Variants in SARS1 observed in about 807,000 individuals in gnomAD.
SARS1 encodes the protein serine--tRNA ligase, cytoplasmic.
Under a neutral mutation model 63.7 loss-of-function variants are expected in SARS1, and 25 were observed. The ratio of observed to expected loss-of-function variants is 0.39; its 90% confidence interval spans 0.29 to 0.55. The LOEUF is 0.55. SARS1 is among the 20% of genes least tolerant of loss of function. The pLI, the probability that SARS1 is intolerant of heterozygous loss-of-function variation, is 0.62. For synonymous variants in SARS1, 231 were observed against 243.5 expected (o/e 0.95, Z 0.48); for missense variants, 417 against 649.7 (o/e 0.64, Z 3.89).
chr1:109,216,978 T>C (rs1179862116), intron 1 of SARS1: 2 of 985,316 alleles, frequency 2.0e-6, no homozygotes, highest in African/African-American at 3.5e-5. Context: ...CAGGTCCTTA[T>C]CATTGTTTGC....
chr1:109,230,883 G>C lies in SARS1; in HGVS notation c.453G>C (p.Val151=). Residue 151 remains valine, a synonymous_variant, in exon 5 of 11, where the codon GTG becomes GTC. Coordinates refer to ENST00000234677, the MANE Select transcript of SARS1 (RefSeq NM_006513.4). Reference sequence around the variant, plus strand: ...TTCTTGCTCTGTTTCCTTAGGATGTGGACAACAAAGTAGAGAGGATTTGGG... The same window carrying C: ...TTCTTGCTCTGTTTCCTTAGGATGTCGACAACAAAGTAGAGAGGATTTGGG... ...PSVPISNDED[V]DNKVERIWGD... The C allele has an allele frequency of 6.2e-7, 1 of 1,601,328 alleles. No homozygotes were observed. Among genetic ancestry groups the C allele is most frequent in the Non-Finnish European group, 8.5e-7 (1 of 1,172,690 alleles).
Position 109,228,338 on chromosome 1 carries a change from T to C in SARS1, c.208-14T>C. 1.2e-6 allele frequency: 2 copies of C among 1,602,452 alleles called. No individual in the cohort carries two copies. Among genetic ancestry groups the C allele is most frequent in the Non-Finnish European group, 1.7e-6 (2 of 1,174,090 alleles). ...CTTTTATTTATTTGTGTTGGGTTTTTTTCCTTCCTGCAGAAAAAAGAGCCA... is the reference window on the plus strand; with the variant it reads ...CTTTTATTTATTTGTGTTGGGTTTTCTTCCTTCCTGCAGAAAAAAGAGCCA... On this transcript the variant is annotated splice_polypyrimidine_tract_variant and intron_variant, in intron 2 of 10. Transcript: ENST00000234677.
rs758310836 is a variant in SARS1 at position 109,213,944 on chromosome 1, C to T, written c.-49C>T. 1 of 1,563,086 alleles carries T rather than the reference C, an allele frequency of 6.4e-7. No individual in the cohort carries two copies. The highest frequency in any genetic ancestry group is 1.8e-5 in the Admixed American group (1 of 55,374). On this transcript the variant is annotated 5_prime_UTR_variant, in exon 1 of 11. Transcript: ENST00000234677. ...CAGTGCGGCGGTCACAGGCTGAGTG[C>T]TGCGGCGCGATCCTTGCTTCCCTGA...
At chr1:109,223,112 CATG>C in intron 1 of SARS1, among the ~76,000 whole-genome samples, 1 of 152,324 alleles carries the variant, frequency 6.6e-6, no homozygotes. Flanking sequence ...ACTGATGATC[CATG>C]ATACCAATAT....
At chr1:109,216,590 G>T (rs911413253) in intron 1 of SARS1, 67 of 937,418 alleles carry the variant, frequency 7.1e-5, no homozygotes, top group Non-Finnish European at 7.9e-5. Flanking sequence ...ATCCTGAGTG[G>T]TTTTTTTTTT....
At chr1:109,216,100 T>TC in intron 1 of SARS1, 1 of 985,422 alleles carries the variant, frequency 1.0e-6, no homozygotes, top group Non-Finnish European at 1.2e-6. Flanking sequence ...TTATGTTTTT[T>TC]CCCAAGTTCC....
chr1:109,225,399 T>C (rs1655044537), intron 2 of SARS1, among the ~76,000 whole-genome samples: 1 of 152,218 alleles, frequency 6.6e-6, no homozygotes, highest in Admixed American at 6.5e-5. Flanking sequence ...GTCATTCGCA[T>C]ACTAGAGGCC....
intron 2 of SARS1, 95 bp from the exon 3 acceptor site, chr1:109,228,257 C>G (rs1404565938): frequency 1.1e-6 from 1 of 907,340 alleles, no homozygotes; most frequent in African/African-American, 1.7e-5. Context: ...TTCTGTGATT[C>G]ATTTATATAA....
At position 109,231,758 on chromosome 1, in the gene SARS1, T is replaced by A; in HGVS notation, c.719T>A (p.Leu240His). 1 of 1,567,670 alleles carries A rather than the reference T, an allele frequency of 6.4e-7. No individual in the cohort carries two copies. Among genetic ancestry groups the A allele is most frequent in the Non-Finnish European group, 8.6e-7 (1 of 1,160,876 alleles). Residue 240 changes from leucine to histidine, a missense_variant, in exon 6 of 11, where the codon CTC (leucine) becomes CAC (histidine). Leu to His is a moderately conservative substitution (Grantham distance 99). Transcript: ENST00000234677. ...RKEVMQEVAQ[L>H]SQFDEELYKV... Reference sequence around the variant, plus strand: ...GAGGTCATGCAGGAGGTGGCACAGCTCAGCCAGTTTGATGAAGAACTTTAT... The same window carrying A: ...GAGGTCATGCAGGAGGTGGCACAGCACAGCCAGTTTGATGAAGAACTTTAT...
chr1:109,237,616 T>C lies in SARS1; in HGVS notation c.1388-115T>C. 1 of 1,258,300 alleles carries C rather than the reference T, an allele frequency of 7.9e-7. No homozygotes were observed. Among genetic ancestry groups the C allele is most frequent in the Non-Finnish European group, 1.1e-6 (1 of 897,926 alleles). 77.9% of individuals were successfully genotyped at this position (1,258,300 alleles called of 1,614,324 possible). A position where few individuals can be genotyped will look rare whatever the true frequency, so the allele number is the denominator to read the frequency against. Reference sequence around the variant, plus strand: ...AAAGAATAAAGGAAACCAGTGCCTATCAAAGGGACCCCTCTGTTCAAAGGG... The same window carrying C: ...AAAGAATAAAGGAAACCAGTGCCTACCAAAGGGACCCCTCTGTTCAAAGGG... On this transcript the variant is annotated intron_variant, in intron 10 of 10. Coordinates refer to ENST00000234677, the MANE Select transcript of SARS1 (RefSeq NM_006513.4). This position sits in a 1 kb window ranked among gnomAD's most constrained non-coding sequence, Gnocchi z 4.1.
At chr1:109,232,675 G>A (rs1655232988) in intron 6 of SARS1, among the ~76,000 whole-genome samples, 1 of 152,218 alleles carries the variant, frequency 6.6e-6, no homozygotes, top group Admixed American at 6.5e-5. Context: ...CTGAGCATCA[G>A]TATAACCTTG....
At chr1:109,236,745 C>A in intron 9 of SARS1, 197 bp downstream of exon 9, 1 of 1,539,094 alleles carries the variant, frequency 6.5e-7, no homozygotes. Flanking sequence ...CTGAATCTAG[C>A]TCTCTTCTAT....
intron 2 of SARS1, among the ~76,000 whole-genome samples, chr1:109,226,170 G>C (rs1179078029): frequency 7.4e-6 from 1 of 135,950 alleles, no homozygotes; most frequent in Non-Finnish European, 1.6e-5. Context: ...TTTTTGTTGA[G>C]ATGGAGTCTC....
intron 1 of SARS1, among the ~76,000 whole-genome samples, chr1:109,221,393 C>T (rs1654926615): frequency 1.3e-5 from 2 of 152,056 alleles, no homozygotes; most frequent in Admixed American, 1.3e-4. Flanking sequence ...CGAATGCTTT[C>T]CCCCTTGAGG....
intron 2 of SARS1, 80 bp downstream of exon 2, chr1:109,224,128 G>C: frequency 5.7e-6 from 6 of 1,045,626 alleles, no homozygotes. Context: ...GTTCACAGAA[G>C]TTCTAACTCA....
Position 109,228,401 on chromosome 1 carries a change from G to C in SARS1, c.257G>C (p.Ser86Thr). The C allele has an allele frequency of 6.2e-7, 1 of 1,613,736 alleles. No homozygotes were observed. The highest frequency in any genetic ancestry group is 1.1e-5 in the South Asian group (1 of 91,060). ...GAGTCTGTCCCAGAGAATGTGCTGA[G>C]TTTCGATGACCTTACTGCAGACGCT... is the stretch of plus-strand genomic sequence containing the variant. ...DDESVPENVLSFDDLTADALA... is the reference protein window; with the variant it reads ...DDESVPENVLTFDDLTADALA... The change falls in exon 3 of 11, where the codon AGT becomes ACT. Residue 86 changes from serine to threonine, a missense_variant. By Grantham distance (58) the Ser-to-Thr change is moderately conservative. Coordinates refer to ENST00000234677, the MANE Select transcript of SARS1 (RefSeq NM_006513.4).
Position 109,235,500 on chromosome 1 carries a change from A to G in SARS1, c.969+69A>G. 7.8e-7 allele frequency: 1 copy of G among 1,289,502 alleles called. No homozygotes were observed. Among genetic ancestry groups the G allele is most frequent in the Non-Finnish European group, 1.1e-6 (1 of 917,158 alleles). 79.9% of individuals were successfully genotyped at this position (1,289,502 alleles called of 1,614,324 possible). On this transcript the variant is annotated intron_variant, in intron 7 of 10. Coordinates refer to ENST00000234677, the MANE Select transcript of SARS1 (RefSeq NM_006513.4). This position sits in a 1 kb window ranked among gnomAD's most constrained non-coding sequence, Gnocchi z 4.7. ...CCAGAATGGTTAGATGAGAGATAGG[A>G]TCTGTGTTGCTGAGGCCCATCCTGG...
At chr1:109,221,970 GTA>G (rs773937466) in intron 1 of SARS1, among the ~76,000 whole-genome samples, 13 of 28,058 alleles carry the variant, frequency 4.6e-4, no homozygotes, top group African/African-American at 1.4e-3. Flanking sequence ...TTGTGTGTGT[GTA>G]TATATATATA....
At position 109,214,265 on chromosome 1, in the gene SARS1, C is replaced by G. The variant is rs1193957772; in HGVS notation, c.136+137C>G. Reference sequence around the variant, plus strand: ...CAGGGTGCGGTGGCTCCGAGGTTCTCCCCATCCCCGAAAACACAGCCTGGT... The same window carrying G: ...CAGGGTGCGGTGGCTCCGAGGTTCTGCCCATCCCCGAAAACACAGCCTGGT... On this transcript the variant is annotated intron_variant, in intron 1 of 10. Transcript: ENST00000234677. The surrounding 1 kb of genome is among the most constrained non-coding windows in gnomAD (Gnocchi z 4.6). The G allele has an allele frequency of 3.7e-6, 4 of 1,075,546 alleles. No individual in the cohort carries two copies. The highest frequency in any genetic ancestry group is 5.2e-6 in the Non-Finnish European group (4 of 762,068). 66.6% of individuals were successfully genotyped at this position (1,075,546 alleles called of 1,614,324 possible). A position where few individuals can be genotyped will look rare whatever the true frequency, so the allele number is the denominator to read the frequency against.
Sources: gnomAD v4.1 joint callset for allele counts (sites outside exome capture counted in the v4.1 genomes callset) on GRCh38, gnomAD v4.1.1 for gene constraint, Gnocchi (gnomAD v3.1) non-coding constraint, MANE v1.5 for transcripts, NCBI Gene and HGNC (gene_info 2026-07-23, HGNC 2026-07-21) for gene names.